The following GRM7 variants were observed in gnomAD, a reference collection of about 807,000 sequenced individuals.
The protein encoded by GRM7 is metabotropic glutamate receptor 7.
A neutral mutation model predicts 84.5 loss-of-function variants in GRM7; 35 were observed. The observed-to-expected ratio is 0.41, with a 90% CI of 0.32 to 0.55. GRM7 has a LOEUF of 0.55. GRM7 is among the 20% of genes least tolerant of loss of function. The pLI is 0.19. For synonymous variants in GRM7, 487 were observed against 455.1 expected (o/e 1.07, Z -0.89); for missense variants, 1,003 against 1,194.6 (o/e 0.84, Z 2.36).
intron 9 of GRM7, among the ~76,000 whole-genome samples, chr3:7,694,003 G>GTCTC (rs1365229245): frequency 1.3e-5 from 2 of 152,178 alleles, no homozygotes; most frequent in African/African-American, 4.8e-5. Flanking sequence ...TGAAAAGCCA[G>GTCTC]TCTCTTTCTG....
chr3:7,050,152 A>G (rs1317769105), intron 1 of GRM7, among the ~76,000 whole-genome samples: 1 of 151,944 alleles, frequency 6.6e-6, no homozygotes, highest in Non-Finnish European at 1.5e-5. Flanking sequence ...TGTACAAATT[A>G]CAAATTTGTA....
intron 2 of GRM7, among the ~76,000 whole-genome samples, chr3:7,254,022 G>A (rs1006917875): frequency 8.3e-4 from 127 of 152,210 alleles, no homozygotes; most frequent in Middle Eastern, 3.4e-3. Context: ...TCCAACCCTG[G>A]AGGTCACCCA....
At chr3:7,596,699 A>G (rs751780363) in intron 8 of GRM7, among the ~76,000 whole-genome samples, 13 of 152,076 alleles carry the variant, frequency 8.5e-5, no homozygotes, top group African/African-American at 3.1e-4. Context: ...AAAATTCAAG[A>G]GTGATTTGAT....
chr3:7,509,978 G>A (rs190614181), intron 7 of GRM7, among the ~76,000 whole-genome samples: 4 of 152,278 alleles, frequency 2.6e-5, no homozygotes, highest in Admixed American at 2.6e-4. Context: ...ATAAGCCAGT[G>A]TTATCTGTAA....
intron 1 of GRM7, among the ~76,000 whole-genome samples, chr3:6,927,007 T>A (rs866484454): frequency 6.6e-6 from 1 of 152,244 alleles, no homozygotes. Context: ...GCAGCCCGCA[T>A]CTTTCACTCG....
intron 9 of GRM7, among the ~76,000 whole-genome samples, chr3:7,706,912 C>T (rs1701408377): frequency 1.3e-5 from 2 of 152,064 alleles, no homozygotes; most frequent in Admixed American, 1.3e-4. Flanking sequence ...GGCACCCAGA[C>T]CAGCAAAGAT....
chr3:7,400,956 A>G (rs1320111534), intron 4 of GRM7, among the ~76,000 whole-genome samples: 1 of 152,054 alleles, frequency 6.6e-6, no homozygotes, highest in African/African-American at 2.4e-5. Flanking sequence ...CAGTATAATC[A>G]TTTAAATTTT....
At chr3:7,283,766 C>T (rs1448329046) in intron 2 of GRM7, among the ~76,000 whole-genome samples, 2 of 152,134 alleles carry the variant, frequency 1.3e-5, no homozygotes, top group Non-Finnish European at 2.9e-5. Context: ...TACACATGGA[C>T]TTTACGGGCA....
chr3:7,008,919 C>T, intron 1 of GRM7, among the ~76,000 whole-genome samples: 1 of 152,044 alleles, frequency 6.6e-6, no homozygotes, highest in Non-Finnish European at 1.5e-5. Context: ...TTTTTTTAAT[C>T]TGGAAAATGG....
At chr3:7,049,151 A>C (rs958450968) in intron 1 of GRM7, among the ~76,000 whole-genome samples, 16 of 152,006 alleles carry the variant, frequency 1.1e-4, no homozygotes, top group African/African-American at 3.4e-4. Context: ...CTATATTCCT[A>C]TGCTCTCATT....
intron 1 of GRM7, among the ~76,000 whole-genome samples, chr3:7,121,593 T>A (rs1374942388): frequency 4.6e-5 from 7 of 151,488 alleles, no homozygotes; most frequent in Non-Finnish European, 7.4e-5. Flanking sequence ...CTAATTTAGA[T>A]TCTTTTCTAT....
chr3:7,691,396 A>G (rs1700795526), intron 9 of GRM7: 1 of 458,522 alleles, frequency 2.2e-6, no homozygotes, highest in Admixed American at 4.3e-5. Flanking sequence ...CAAGAAAAAG[A>G]AAAACTGGAC....
At chr3:6,889,971 G>A (rs893752023) in intron 1 of GRM7, among the ~76,000 whole-genome samples, 5 of 152,174 alleles carry the variant, frequency 3.3e-5, no homozygotes, top group Non-Finnish European at 5.9e-5. Context: ...GAGGGTGTAC[G>A]TGTCGAGGAA....
intron 4 of GRM7, among the ~76,000 whole-genome samples, chr3:7,384,232 T>A (rs1220985823): frequency 1.3e-5 from 2 of 152,156 alleles, no homozygotes; most frequent in African/African-American, 2.4e-5. Context: ...TTTCGCCATG[T>A]CAGCCAGGCT....
chr3:7,413,724 T>G (rs1696041855), intron 4 of GRM7, among the ~76,000 whole-genome samples: 1 of 152,176 alleles, frequency 6.6e-6, no homozygotes, highest in African/African-American at 2.4e-5. Flanking sequence ...AAGTTGGTGA[T>G]GGAGCGTCTA....
At chr3:7,298,462 G>C (rs1282055306) in intron 2 of GRM7, 1 of 453,578 alleles carries the variant, frequency 2.2e-6, no homozygotes, top group East Asian at 3.7e-5. Flanking sequence ...ATATTTGTAC[G>C]TGTACTATAA....
chr3:7,547,352 G>A (rs373999807), intron 7 of GRM7, among the ~76,000 whole-genome samples: 2 of 151,734 alleles, frequency 1.3e-5, no homozygotes, highest in Non-Finnish European at 2.9e-5. Context: ...GACTACAGGC[G>A]CCCGCCGCCA....
intron 7 of GRM7, among the ~76,000 whole-genome samples, chr3:7,479,002 G>T (rs1699031743): frequency 6.6e-6 from 1 of 152,146 alleles, no homozygotes; most frequent in African/African-American, 2.4e-5. Flanking sequence ...GATGGAAAGA[G>T]TGTGGCCTCA....
At position 7,188,161 on chromosome 3, in the gene GRM7, C is replaced by T. The variant is rs1471338246; in HGVS notation, c.736+41493C>T. ...AAGGGCTATGACGTGAGAAAGGGACCTGTCGGAAGTGAGGAATGAAGAGAT... is the reference window on the plus strand; with the variant it reads ...AAGGGCTATGACGTGAGAAAGGGACTTGTCGGAAGTGAGGAATGAAGAGAT... On this transcript the variant is annotated intron_variant, in intron 2 of 9. Coordinates refer to ENST00000357716, the MANE Select transcript of GRM7 (RefSeq NM_000844.4). The surrounding 1 kb of genome is among the most constrained non-coding windows in gnomAD (Gnocchi z 4.2). Among the ~76,000 whole-genome samples, 1 of 151,946 alleles carries T rather than the reference C, an allele frequency of 6.6e-6. No homozygotes were observed.
Sources: gnomAD v4.1 joint callset for allele counts (sites outside exome capture counted in the v4.1 genomes callset) on GRCh38, gnomAD v4.1.1 for gene constraint, Gnocchi (gnomAD v3.1) non-coding constraint, MANE v1.5 for transcripts, NCBI Gene and HGNC (gene_info 2026-07-23, HGNC 2026-07-21) for gene names.